SERPINB8: variants seen among roughly 807,000 people sequenced by gnomAD.
SERPINB8 encodes the protein serpin family B member 8.
In SERPINB8, 25 loss-of-function variants were observed where a neutral mutation model predicts 35.3. That is an observed-to-expected ratio of 0.71 (90% CI 0.52 to 0.99). The LOEUF (loss-of-function observed/expected upper bound fraction) is 0.99. Ranked by LOEUF, SERPINB8 falls within the 50% of genes least tolerant of loss-of-function variation. The pLI is 0.00. For missense variants in SERPINB8, 484 were observed against 446.5 expected (o/e 1.08, Z -0.76); for synonymous variants, 186 against 160.8 (o/e 1.16, Z -1.19).
At chr18:64,005,005 T>A in exon 2 of SERPINB8, 1 of 395,748 alleles carries the variant, frequency 2.5e-6, no homozygotes. Flanking sequence ...GGAGGATGTG[T>A]GATAACTAAT....
chr18:64,017,837 A>G (rs2050957696), intron 7 of SERPINB8, among the ~76,000 whole-genome samples: 2 of 152,222 alleles, frequency 1.3e-5, no homozygotes, highest in African/African-American at 4.8e-5. Context: ...TCATTTATCT[A>G]CTAATCATGA....
chr18:63,978,880 T>C (rs1238831139), intron 2 of SERPINB8, among the ~76,000 whole-genome samples: 3 of 60,608 alleles, frequency 4.9e-5, no homozygotes, highest in African/African-American at 2.9e-4. Flanking sequence ...AAGTGGGTTA[T>C]TTTAGTGCAT....
intron 7 of SERPINB8, among the ~76,000 whole-genome samples, chr18:64,012,200 T>A (rs1269837260): frequency 6.6e-6 from 1 of 152,222 alleles, no homozygotes; most frequent in Non-Finnish European, 1.5e-5. Flanking sequence ...TTACATATTT[T>A]AAAATAACAA....
intron 7 of SERPINB8, among the ~76,000 whole-genome samples, chr18:64,015,902 A>C (rs184193203): frequency 6.6e-6 from 1 of 152,198 alleles, no homozygotes; most frequent in Non-Finnish European, 1.5e-5. Flanking sequence ...TCTCTAGGCA[A>C]TCTCCTTCTC....
intron 2 of SERPINB8, 83 bp downstream of exon 2, chr18:63,978,559 A>G: frequency 1.3e-6 from 2 of 1,515,446 alleles, no homozygotes; most frequent in African/African-American, 1.4e-5. Context: ...CTTTTGCTCT[A>G]GCTGAGGCCT....
At chr18:63,982,454 C>T (rs889836668) in intron 4 of SERPINB8, among the ~76,000 whole-genome samples, 7 of 152,192 alleles carry the variant, frequency 4.6e-5, no homozygotes, top group Admixed American at 2.0e-4. Context: ...TTTAAAGCAT[C>T]CTAAATACCT....
exon 2 of SERPINB8, chr18:64,005,228 A>G: frequency 5.5e-6 from 1 of 181,982 alleles, no homozygotes; most frequent in Non-Finnish European, 1.1e-5. Context: ...GATGTAGAAC[A>G]ACTGGAATTC....
chr18:63,986,192 A>G, intron 6 of SERPINB8: 1 of 1,493,126 alleles, frequency 6.7e-7, no homozygotes, highest in Non-Finnish European at 9.3e-7. Flanking sequence ...CCAGTTGTTA[A>G]AGGGAAGGGG....
At chr18:63,989,736 GA>G (rs1341867945), downstream of SERPINB8, among the ~76,000 whole-genome samples, 1 of 151,996 alleles carries the variant, frequency 6.6e-6, no homozygotes, top group South Asian at 2.1e-4. Context: ...GAGGTAAGGA[GA>G]TCGAGACCAT....
rs1170168459 is a variant in SERPINB8, at chr18:63,987,815, CCTT to C, written c.*540_*542del. The C allele has an allele frequency of 6.5e-6, 1 of 152,890 alleles. No homozygotes were observed. The highest frequency in any genetic ancestry group is 6.5e-5 in the Admixed American group (1 of 15,344). 9.5% of individuals were successfully genotyped at this position (152,890 alleles called of 1,614,324 possible). A position where few individuals can be genotyped will look rare whatever the true frequency, so the allele number is the denominator to read the frequency against. On this transcript the variant is annotated 3_prime_UTR_variant, in exon 7 of 7. Transcript: ENST00000397985. Reference sequence around the variant, plus strand: ...CACACAGTTTGTAATGAAGACAGCTCCTTCTCATCTTTCCATAAGCCTGAGATA... The same window carrying C: ...CACACAGTTTGTAATGAAGACAGCTCCTCATCTTTCCATAAGCCTGAGATA...
In SERPINB8 at chr18:63,978,374, G is replaced by A; in HGVS notation, c.66G>A (p.Glu22=). 6.2e-7 allele frequency: 1 copy of A among 1,614,178 alleles called. No individual in the cohort carries two copies. The highest frequency in any genetic ancestry group is 1.1e-5 in the South Asian group (1 of 91,086). Residue 22 remains glutamate, a synonymous_variant, in exon 2 of 7, where the codon GAG becomes GAA. Transcript: ENST00000397985. ...GCTTATTTAAAATATTGGGGGAAGA[G>A]GACAACTCAAGAAACGTATTCTTCT... ...AISLFKILGE[E]DNSRNVFFSP...
chr18:64,016,072 A>C (rs2050948683), intron 7 of SERPINB8, among the ~76,000 whole-genome samples: 1 of 152,208 alleles, frequency 6.6e-6, no homozygotes, highest in Non-Finnish European at 1.5e-5. Flanking sequence ...GAAAGTGTCC[A>C]TGACCTGACA....
At chr18:64,005,807 T>A (rs925964468), downstream of SERPINB8, 2 of 151,572 alleles carry the variant, frequency 1.3e-5, no homozygotes, top group Non-Finnish European at 2.9e-5. Context: ...GGCTGGAGAG[T>A]TTTTGAGAAC....
chr18:63,999,470 G>A (rs2050864538), intron 1 of SERPINB8, among the ~76,000 whole-genome samples: 1 of 152,062 alleles, frequency 6.6e-6, no homozygotes, highest in Admixed American at 6.5e-5. Context: ...GAGGAGCCTG[G>A]GTCTGTTACT....
chr18:64,009,081 T>A (rs1004595100), downstream of SERPINB8, among the ~76,000 whole-genome samples: 8 of 152,188 alleles, frequency 5.3e-5, no homozygotes, highest in Non-Finnish European at 1.5e-5. Flanking sequence ...TTAGAGAATG[T>A]CATTAAATTT....
At chr18:63,977,684 G>A (rs1295398311) in intron 1 of SERPINB8, among the ~76,000 whole-genome samples, 1 of 152,206 alleles carries the variant, frequency 6.6e-6, no homozygotes, top group African/African-American at 2.4e-5. Flanking sequence ...AGGTGTTGCA[G>A]GGTGTCTGTG....
intron 1 of SERPINB8, among the ~76,000 whole-genome samples, chr18:63,998,642 A>G (rs2050860922): frequency 6.6e-6 from 1 of 152,120 alleles, no homozygotes; most frequent in Non-Finnish European, 1.5e-5. Context: ...CCCCTCTTTT[A>G]AAATTATTGG....
In SERPINB8 at chr18:63,986,411, T is replaced by C. The variant is rs983183270; in HGVS notation, c.721-463T>C. 1.9e-5 allele frequency: 29 copies of C among 1,503,404 alleles called. 1 individual carries two copies. The East Asian group carries it at 6.9e-4, about 36-fold the overall frequency. The allele number at this position is 1,503,404 out of a possible 1,614,324, so 93.1% of individuals were successfully genotyped here. On this transcript the variant is annotated intron_variant, in intron 6 of 6. Coordinates refer to ENST00000397985, the MANE Select transcript of SERPINB8 (RefSeq NM_002640.4). ...TCTTCAGATGAAACACAATTCCCTC[T>C]CTTTTACTCTGAGTTGCCCTCTGAT...
In SERPINB8 at chr18:63,986,973, G is replaced by T. The variant is rs560622512; in HGVS notation, c.820G>T (p.Glu274Ter). Residue 274 changes from glutamate (E) to a stop codon, truncating the protein, a stop_gained, in exon 7 of 7, where the codon GAG (glutamate) becomes TAG (stop). Transcript: ENST00000397985. LOFTEE classifies it high-confidence loss of function. ...VQVFLPRLKL[E>*]ESYDLEPFLR... The stretch of plus-strand genomic sequence containing the variant: ...AGTTTTCCTTCCCAGATTAAAGCTG[G>T]AGGAGAGTTATGACTTGGAGCCTTT... 5.6e-6 allele frequency: 9 copies of T among 1,614,218 alleles called. No individual in the cohort carries two copies. The South Asian group carries it at 8.8e-5, about 16-fold the overall frequency.
Sources: allele counts gnomAD v4.1 joint callset (sites outside exome capture counted in the v4.1 genomes callset), GRCh38; gene constraint gnomAD v4.1.1; transcripts MANE v1.5; gene names NCBI Gene and HGNC (gene_info 2026-07-23, HGNC 2026-07-21).